Variants in CDH4 observed in about 807,000 individuals in gnomAD.
CDH4 encodes the protein cadherin 4, also known as cadherin-4.
In CDH4, 33 loss-of-function variants were observed where a neutral mutation model predicts 86.0. That is an observed-to-expected ratio of 0.38 (90% CI 0.29 to 0.51). The LOEUF (loss-of-function observed/expected upper bound fraction) is 0.51. Among genes scored for constraint, CDH4 ranks in the 20% least tolerant of loss-of-function variants. CDH4 has a pLI of 0.86. For synonymous variants in CDH4, 555 were observed against 549.4 expected, an observed-to-expected ratio of 1.01 and a Z score of -0.14; for missense variants, 1,114 against 1,307.4, an observed-to-expected ratio of 0.85 and a Z score of 2.28.
intron 2 of CDH4, among the ~76,000 whole-genome samples, chr20:61,525,660 C>T (rs568815179): frequency 1.1e-4 from 16 of 152,318 alleles, no homozygotes; most frequent in East Asian, 3.9e-4. Context: ...TACCCGATCT[C>T]GTTTTCTCCT....
At chr20:61,431,676 A>G (rs1411324653) in intron 2 of CDH4, among the ~76,000 whole-genome samples, 1 of 152,150 alleles carries the variant, frequency 6.6e-6, no homozygotes, top group Non-Finnish European at 1.5e-5. Context: ...ACTCTTTTTA[A>G]TCAAGGTTTT....
At chr20:61,599,068 G>A (rs2064551) in intron 2 of CDH4, among the ~76,000 whole-genome samples, 112,007 of 152,140 alleles carry the variant, frequency 0.74, 41,344 homozygotes, top group Admixed American at 0.78. Flanking sequence ...TTGACACCAC[G>A]TCCCTGGGAA....
chr20:61,678,288 TG>T (rs1418580938), intron 2 of CDH4, among the ~76,000 whole-genome samples: 2 of 151,830 alleles, frequency 1.3e-5, no homozygotes, highest in African/African-American at 2.4e-5. Context: ...AGATACATGA[TG>T]GATGGATGGG....
chr20:61,630,046 C>T (rs183466039), intron 2 of CDH4, among the ~76,000 whole-genome samples: 3 of 152,142 alleles, frequency 2.0e-5, no homozygotes, highest in Non-Finnish European at 4.4e-5. Context: ...CTCCCTGACA[C>T]CCAGGGAGCC....
intron 4 of CDH4, among the ~76,000 whole-genome samples, chr20:61,774,031 G>A (rs533421705): frequency 3.3e-4 from 50 of 152,262 alleles, no homozygotes; most frequent in Middle Eastern, 3.4e-3. Context: ...CCCCACCAGG[G>A]AGCAGCCAAA....
chr20:61,780,766 G>GA (rs1978498129), intron 4 of CDH4, among the ~76,000 whole-genome samples: 1 of 152,208 alleles, frequency 6.6e-6, no homozygotes, highest in South Asian at 2.1e-4. Flanking sequence ...CTCGAAGGGA[G>GA]AAAATGGCAC....
chr20:61,453,625 C>T (rs1160277067), intron 2 of CDH4, among the ~76,000 whole-genome samples: 1 of 152,160 alleles, frequency 6.6e-6, no homozygotes, highest in Non-Finnish European at 1.5e-5. Context: ...GGCAGCTCAC[C>T]TGCAGACAAT....
chr20:61,355,659 G>A (rs2084745118), intron 2 of CDH4, among the ~76,000 whole-genome samples: 1 of 152,364 alleles, frequency 6.6e-6, no homozygotes, highest in South Asian at 2.1e-4. Context: ...AGGAGCAGTA[G>A]CTGGTAGTTA....
chr20:61,286,135 A>C (rs2084291918), intron 2 of CDH4, among the ~76,000 whole-genome samples: 1 of 152,224 alleles, frequency 6.6e-6, no homozygotes. Flanking sequence ...CAAGGTGAGC[A>C]TTCATATCTC....
At chr20:61,575,266 T>G (rs6121700) in intron 2 of CDH4, among the ~76,000 whole-genome samples, 8,829 of 152,256 alleles carry the variant, frequency 0.058, 531 homozygotes, top group African/African-American at 0.15. Context: ...ACGACAGGTC[T>G]AAGCCTGTGT....
intron 2 of CDH4, among the ~76,000 whole-genome samples, chr20:61,299,166 GA>G (rs1407031746): frequency 6.6e-6 from 1 of 152,190 alleles, no homozygotes; most frequent in Non-Finnish European, 1.5e-5. Context: ...GCTCTTATAA[GA>G]AAAGAAGAGG....
intron 4 of CDH4, among the ~76,000 whole-genome samples, chr20:61,819,156 G>A (rs1054261210): frequency 2.0e-5 from 3 of 152,182 alleles, no homozygotes; most frequent in African/African-American, 7.2e-5. Flanking sequence ...TATCTGCAAG[G>A]ATGTCACCTC....
chr20:61,770,969 G>A (rs1206127220), intron 3 of CDH4, among the ~76,000 whole-genome samples: 1 of 149,616 alleles, frequency 6.7e-6, no homozygotes, highest in Non-Finnish European at 1.5e-5. Context: ...ACCAGTGTGT[G>A]CATTTTCATG....
intron 2 of CDH4, among the ~76,000 whole-genome samples, chr20:61,482,987 A>C (rs900992730): frequency 6.6e-6 from 1 of 152,176 alleles, no homozygotes; most frequent in Admixed American, 6.5e-5. Flanking sequence ...AGGATTTGAT[A>C]CCAATGGGTC....
chr20:61,584,752 G>A (rs80208434), intron 2 of CDH4, among the ~76,000 whole-genome samples: 6,308 of 152,306 alleles, frequency 0.041, 383 homozygotes, highest in African/African-American at 0.13. Context: ...AGTTTAGGGG[G>A]AAAGATAACC....
intron 7 of CDH4, among the ~76,000 whole-genome samples, chr20:61,880,616 G>A (rs1984233505): frequency 6.6e-6 from 1 of 152,176 alleles, no homozygotes; most frequent in African/African-American, 2.4e-5. Flanking sequence ...CAAGTGTGGG[G>A]CACTGAGCAG....
chr20:61,483,895 G>A (rs2085581595), intron 2 of CDH4, among the ~76,000 whole-genome samples: 1 of 152,148 alleles, frequency 6.6e-6, no homozygotes, highest in African/African-American at 2.4e-5. Context: ...AAAGCTTGTA[G>A]TGTAGTTTTA....
rs145041416 is a variant in CDH4 at position 61,902,392 on chromosome 20, C to T, written c.1188+7345C>T. ...CCTAAATGCCAGCCATGCCCTGGGG[C>T]ACGCGGTCACCACCCCGCAGAACCG... On this transcript the variant is annotated intron_variant, in intron 8 of 15. Coordinates refer to ENST00000614565, the MANE Select transcript of CDH4 (RefSeq NM_001794.5). This position sits in a 1 kb window ranked among gnomAD's most constrained non-coding sequence, Gnocchi z 4.6. Among the ~76,000 whole-genome samples, 21 of 152,366 alleles carry T rather than the reference C, an allele frequency of 1.4e-4. No individual in the cohort carries two copies. The highest frequency in any genetic ancestry group is 4.8e-4 in the African/African-American group (20 of 41,584).
At chr20:61,815,622 C>T (rs909913029) in intron 4 of CDH4, among the ~76,000 whole-genome samples, 3 of 152,174 alleles carry the variant, frequency 2.0e-5, no homozygotes, top group Admixed American at 6.5e-5. Context: ...GTAGAGAGCC[C>T]GCCTGGTTGG....
Sources: gnomAD v4.1 joint callset for allele counts (sites outside exome capture counted in the v4.1 genomes callset) on GRCh38, gnomAD v4.1.1 for gene constraint, Gnocchi (gnomAD v3.1) non-coding constraint, MANE v1.5 for transcripts, NCBI Gene and HGNC (gene_info 2026-07-23, HGNC 2026-07-21) for gene names.